The following PTPRT variants were observed in gnomAD, a reference collection of about 807,000 sequenced individuals.
PTPRT encodes the protein protein tyrosine phosphatase receptor type T.
A neutral mutation model predicts 176.8 loss-of-function variants in PTPRT; 56 were observed. The ratio of observed to expected loss-of-function variants is 0.32; its 90% confidence interval spans 0.26 to 0.40. PTPRT has a LOEUF of 0.40. PTPRT is among the 10% of genes least tolerant of loss of function. The probability of loss-of-function intolerance (pLI) is 1.00; values close to 1 mark genes in which losing one functional copy is unlikely to be tolerated. For synonymous variants in PTPRT, 783 were observed against 739.0 expected (o/e 1.06, Z -0.96); for missense variants, 1,540 against 1,908.2 (o/e 0.81, Z 3.60).
chr20:43,009,763 C>T (rs566838342), intron 1 of PTPRT, among the ~76,000 whole-genome samples: 3 of 152,312 alleles, frequency 2.0e-5, no homozygotes, highest in Non-Finnish European at 2.9e-5. Flanking sequence ...GCATCTGCGA[C>T]GATGGCTACA....
chr20:42,609,579 C>T (rs943801449), intron 7 of PTPRT, among the ~76,000 whole-genome samples: 2 of 152,212 alleles, frequency 1.3e-5, no homozygotes, highest in African/African-American at 2.4e-5. Flanking sequence ...TGACTCTTTG[C>T]TCCCAGGTCT....
chr20:43,164,658 G>GC (rs1464076367), intron 1 of PTPRT, among the ~76,000 whole-genome samples: 2 of 152,204 alleles, frequency 1.3e-5, no homozygotes, highest in Non-Finnish European at 2.9e-5. Context: ...AGAGACTTTA[G>GC]CCTTTGCAGG....
At chr20:42,213,013 A>C (rs2146748667) in intron 15 of PTPRT, among the ~76,000 whole-genome samples, 1 of 152,284 alleles carries the variant, frequency 6.6e-6, no homozygotes, top group South Asian at 2.1e-4. Flanking sequence ...CTGGGCATTC[A>C]GAAGCTTTCC....
At chr20:42,736,996 G>C (rs536336843) in intron 6 of PTPRT, among the ~76,000 whole-genome samples, 82 of 152,304 alleles carry the variant, frequency 5.4e-4, no homozygotes, top group African/African-American at 1.9e-3. Flanking sequence ...AACCCAAAAG[G>C]AGTTGGGAGG....
At chr20:42,895,600 T>A (rs2079282394) in intron 1 of PTPRT, among the ~76,000 whole-genome samples, 1 of 152,162 alleles carries the variant, frequency 6.6e-6, no homozygotes, top group Non-Finnish European at 1.5e-5. Context: ...GGGCCACATG[T>A]TCCCTGTCAC....
intron 6 of PTPRT, among the ~76,000 whole-genome samples, chr20:42,689,707 T>A (rs1364062521): frequency 6.6e-6 from 1 of 152,164 alleles, no homozygotes; most frequent in Non-Finnish European, 1.5e-5. Context: ...ATATGTAGTA[T>A]CCTGGATAAG....
At chr20:43,099,878 A>G (rs992459972) in intron 1 of PTPRT, among the ~76,000 whole-genome samples, 1 of 151,960 alleles carries the variant, frequency 6.6e-6, no homozygotes, top group African/African-American at 2.4e-5. Flanking sequence ...CTTCTCTTCT[A>G]TTAGCCCAGT....
At chr20:42,633,716 G>A (rs2074463867) in intron 7 of PTPRT, among the ~76,000 whole-genome samples, 1 of 136,268 alleles carries the variant, frequency 7.3e-6, no homozygotes, top group African/African-American at 2.9e-5. Context: ...TACCTGGGAG[G>A]TGGAGGTCAC....
intron 9 of PTPRT, among the ~76,000 whole-genome samples, chr20:42,377,163 C>T (rs978705260): frequency 6.6e-6 from 1 of 152,160 alleles, no homozygotes; most frequent in African/African-American, 2.4e-5. Context: ...GCTTGAAGAA[C>T]CTTTGCAGAA....
intron 1 of PTPRT, among the ~76,000 whole-genome samples, chr20:43,037,658 T>C (rs1280447098): frequency 6.6e-6 from 1 of 152,186 alleles, no homozygotes; most frequent in Non-Finnish European, 1.5e-5. Context: ...TGTTTTTTTT[T>C]GTTTGTTTTT....
chr20:42,209,766 A>G (rs935801084), intron 15 of PTPRT, among the ~76,000 whole-genome samples: 3 of 152,154 alleles, frequency 2.0e-5, no homozygotes, highest in African/African-American at 7.2e-5. Context: ...CAATCAATAG[A>G]AAAAGAGGGA....
rs184014229 is a variant in PTPRT, at chr20:43,060,590, C to T, written c.88+129056G>A. 1.9e-3 allele frequency among the ~76,000 whole-genome samples: 285 copies of T among 152,264 alleles called. 1 individual carries two copies. The highest frequency in any genetic ancestry group is 6.6e-3 in the African/African-American group (276 of 41,536). On this transcript the variant is annotated intron_variant, in intron 1 of 30. Coordinates refer to ENST00000373187, the MANE Select transcript of PTPRT (RefSeq NM_007050.6). ...ATTTTTAATTCGGCTTTATTATCTGCAATACAGGCACAACAATACATACTT... is the reference window on the plus strand; with the variant it reads ...ATTTTTAATTCGGCTTTATTATCTGTAATACAGGCACAACAATACATACTT...
At chr20:42,814,043 A>G (rs936770627) in intron 2 of PTPRT, among the ~76,000 whole-genome samples, 2 of 152,172 alleles carry the variant, frequency 1.3e-5, no homozygotes, top group African/African-American at 4.8e-5. Context: ...AATGATACCC[A>G]GTAAACTTGA....
At chr20:42,767,559 T>C (rs1459392348) in intron 5 of PTPRT, among the ~76,000 whole-genome samples, 3 of 151,714 alleles carry the variant, frequency 2.0e-5, no homozygotes, top group African/African-American at 7.3e-5. Context: ...GAAGGACATA[T>C]TATATATGGA....
chr20:42,536,659 A>T (rs2072481595), intron 7 of PTPRT, among the ~76,000 whole-genome samples: 1 of 152,238 alleles, frequency 6.6e-6, no homozygotes, highest in Admixed American at 6.5e-5. Context: ...GGACATACAT[A>T]AAGTGTTTAT....
chr20:42,159,993 A>G (rs1364491201), intron 17 of PTPRT, among the ~76,000 whole-genome samples: 1 of 152,198 alleles, frequency 6.6e-6, no homozygotes, highest in Non-Finnish European at 1.5e-5. Context: ...TTGCTTTGTA[A>G]GCTCTTTCTC....
At chr20:42,369,882 T>C (rs6072704) in intron 9 of PTPRT, among the ~76,000 whole-genome samples, 69,550 of 152,080 alleles carry the variant, frequency 0.46, 16,244 homozygotes, top group Admixed American at 0.5. Flanking sequence ...GTTGTGTTTT[T>C]AGAAAGTATA....
At chr20:43,082,280 G>A (rs1041687474) in intron 1 of PTPRT, among the ~76,000 whole-genome samples, 1 of 132,616 alleles carries the variant, frequency 7.5e-6, no homozygotes, top group Non-Finnish European at 1.6e-5. Flanking sequence ...CCTATTTTGT[G>A]TTTTCTATTT....
At chr20:42,750,699 C>T (rs567679644) in intron 6 of PTPRT, among the ~76,000 whole-genome samples, 8 of 152,142 alleles carry the variant, frequency 5.3e-5, no homozygotes, top group Admixed American at 2.0e-4. Flanking sequence ...AAATCACCAC[C>T]GACAAGAAAC....
Sources: gnomAD v4.1 joint callset for allele counts (sites outside exome capture counted in the v4.1 genomes callset) on GRCh38, gnomAD v4.1.1 for gene constraint, MANE v1.5 for transcripts, NCBI Gene and HGNC (gene_info 2026-07-23, HGNC 2026-07-21) for gene names.